Variants in RBM20 observed in about 807,000 individuals in gnomAD.
RBM20 encodes the protein RNA-binding protein 20.
A neutral mutation model predicts 110.1 loss-of-function variants in RBM20; 51 were observed. That is an observed-to-expected ratio of 0.46 (90% CI 0.37 to 0.59). RBM20 has a LOEUF of 0.59. Ranked by LOEUF, RBM20 falls within the 20% of genes least tolerant of loss-of-function variation. The pLI, the probability that RBM20 is intolerant of heterozygous loss-of-function variation, is 0.00. For missense variants in RBM20, 1,512 were observed against 1,574.9 expected (o/e 0.96, Z 0.68); for synonymous variants, 589 against 618.2 (o/e 0.95, Z 0.70).
intron 1 of RBM20, among the ~76,000 whole-genome samples, chr10:110,764,443 G>T (rs535495493): frequency 6.6e-6 from 1 of 152,338 alleles, no homozygotes; most frequent in South Asian, 2.1e-4. Context: ...CATAGAGCTG[G>T]CTTGGGTGTT....
intron 11 of RBM20, 110 bp from the exon 12 acceptor site, chr10:110,823,370 A>G: frequency 7.3e-7 from 1 of 1,361,938 alleles, no homozygotes; most frequent in Non-Finnish European, 9.8e-7. Context: ...TCCAAGGAAC[A>G]ATTCCCAATC....
intron 13 of RBM20, chr10:110,835,355 G>A (rs1215112882): frequency 2.5e-5 from 2 of 79,530 alleles, no homozygotes; most frequent in East Asian, 6.1e-4. Flanking sequence ...TTTTTTTTTA[G>A]ATGGAGTTTC....
intron 1 of RBM20, among the ~76,000 whole-genome samples, chr10:110,737,038 A>G (rs770518636): frequency 2.6e-5 from 4 of 151,756 alleles, no homozygotes; most frequent in Non-Finnish European, 5.9e-5. Context: ...TTAGCCGGGC[A>G]TGGTGTTGCG....
chr10:110,666,333 G>A (rs1862178574), intron 1 of RBM20, among the ~76,000 whole-genome samples: 1 of 152,114 alleles, frequency 6.6e-6, no homozygotes, highest in African/African-American at 2.4e-5. Flanking sequence ...CTGTGGAGCC[G>A]ACAGACCCTT....
intron 9 of RBM20, among the ~76,000 whole-genome samples, chr10:110,816,570 G>T (rs1403578753): frequency 6.6e-6 from 1 of 151,916 alleles, no homozygotes; most frequent in South Asian, 2.1e-4. Context: ...TCCTGTTTTT[G>T]GTGGCATTTA....
chr10:110,673,461 C>T (rs1321720031), intron 1 of RBM20, among the ~76,000 whole-genome samples: 1 of 152,206 alleles, frequency 6.6e-6, no homozygotes, highest in Non-Finnish European at 1.5e-5. Context: ...CCACCCAGCT[C>T]GGCCTCCCAA....
chr10:110,721,666 C>T (rs1843508522), intron 1 of RBM20, among the ~76,000 whole-genome samples: 1 of 152,206 alleles, frequency 6.6e-6, no homozygotes, highest in Non-Finnish European at 1.5e-5. Flanking sequence ...TGGCTTCCGA[C>T]TGTGGTTCTG....
intron 5 of RBM20, among the ~76,000 whole-genome samples, chr10:110,793,886 T>C (rs1248357103): frequency 1.3e-5 from 2 of 152,256 alleles, no homozygotes; most frequent in Admixed American, 6.5e-5. Context: ...CATTTTTCAA[T>C]GTAAAGAATA....
At chr10:110,659,359 A>T (rs980475938) in intron 1 of RBM20, among the ~76,000 whole-genome samples, 1 of 152,250 alleles carries the variant, frequency 6.6e-6, no homozygotes, top group African/African-American at 2.4e-5. Flanking sequence ...TTAGCTTCTT[A>T]GAGTCCACAT....
intron 7 of RBM20, among the ~76,000 whole-genome samples, chr10:110,802,709 A>G (rs2135085195): frequency 6.6e-6 from 1 of 152,354 alleles, no homozygotes; most frequent in South Asian, 2.1e-4. Flanking sequence ...CTTTCAGCAA[A>G]TGTGCACTGA....
At chr10:110,748,188 G>C (rs1041424784) in intron 1 of RBM20, among the ~76,000 whole-genome samples, 1 of 152,192 alleles carries the variant, frequency 6.6e-6, no homozygotes, top group Non-Finnish European at 1.5e-5. Flanking sequence ...CATTTCCTGA[G>C]ATTGAATCAG....
intron 1 of RBM20, among the ~76,000 whole-genome samples, chr10:110,771,939 A>G (rs1218381965): frequency 2.0e-5 from 3 of 152,216 alleles, no homozygotes; most frequent in Non-Finnish European, 2.9e-5. Context: ...TAAAATATAC[A>G]TTTCGAAAAG....
chr10:110,663,256 C>T (rs902788283), intron 1 of RBM20, among the ~76,000 whole-genome samples: 18 of 152,206 alleles, frequency 1.2e-4, no homozygotes, highest in Non-Finnish European at 2.9e-5. Context: ...CCACACCCAG[C>T]CATCACCCTG....
At chr10:110,714,373 G>T (rs1283623025) in intron 1 of RBM20, among the ~76,000 whole-genome samples, 1 of 152,184 alleles carries the variant, frequency 6.6e-6, no homozygotes, top group Non-Finnish European at 1.5e-5. Flanking sequence ...AGCTGGCTTA[G>T]CACTGGCCTG....
chr10:110,705,828 C>A (rs916831419), intron 1 of RBM20, among the ~76,000 whole-genome samples: 2 of 152,176 alleles, frequency 1.3e-5, no homozygotes, highest in Non-Finnish European at 2.9e-5. Flanking sequence ...TGCTTCTAAT[C>A]CCAGCACTTT....
intron 1 of RBM20, among the ~76,000 whole-genome samples, chr10:110,750,507 G>A (rs1314641226): frequency 6.6e-6 from 1 of 152,204 alleles, no homozygotes; most frequent in Admixed American, 6.5e-5. Context: ...AAGAACGCGT[G>A]GGGAAGAGCA....
chr10:110,785,628 A>G (rs1844410236), intron 5 of RBM20, among the ~76,000 whole-genome samples: 1 of 152,156 alleles, frequency 6.6e-6, no homozygotes, highest in Non-Finnish European at 1.5e-5. Flanking sequence ...ATCACCTGCT[A>G]TATCTGGGCC....
chr10:110,701,161 T>C (rs1289162508), intron 1 of RBM20, among the ~76,000 whole-genome samples: 1 of 152,236 alleles, frequency 6.6e-6, no homozygotes, highest in Non-Finnish European at 1.5e-5. Flanking sequence ...TTGGGATACC[T>C]GTGTGAGCCG....
intron 1 of RBM20, among the ~76,000 whole-genome samples, chr10:110,712,544 A>T (rs771273794): frequency 6.6e-6 from 1 of 152,180 alleles, no homozygotes; most frequent in Admixed American, 6.5e-5. Flanking sequence ...AGGCGGGTGG[A>T]TCACTTGAGG....
Sources: allele counts gnomAD v4.1 joint callset (sites outside exome capture counted in the v4.1 genomes callset), GRCh38; gene constraint gnomAD v4.1.1; transcripts MANE v1.5; gene names NCBI Gene and HGNC (gene_info 2026-07-23, HGNC 2026-07-21).